The following NAA11 variants were observed in gnomAD, a reference collection of about 807,000 sequenced individuals.
NAA11 encodes the protein N-alpha-acetyltransferase 11.
In NAA11, 15 loss-of-function variants were observed where a neutral mutation model predicts 16.1. The ratio of observed to expected loss-of-function variants is 0.93; its 90% CI spans 0.62 to 1.44. The LOEUF (loss-of-function observed/expected upper bound fraction) is 1.44. Ranked by LOEUF, NAA11 falls within the 40% of genes most tolerant of loss-of-function variation. The probability of loss-of-function intolerance (pLI) is 0.00; values close to 1 mark genes in which losing one functional copy is unlikely to be tolerated. For missense variants in NAA11, 298 were observed against 291.3 expected, an observed-to-expected ratio of 1.02 and a Z score of -0.17; for synonymous variants, 122 against 112.4, an observed-to-expected ratio of 1.09 and a Z score of -0.54.
chr4:79,260,379 A>C (rs1458303735), intron 2 of NAA11, among the ~76,000 whole-genome samples: 1 of 152,246 alleles, frequency 6.6e-6, no homozygotes, highest in Non-Finnish European at 1.5e-5. Context: ...CACAGCTGCC[A>C]TCTTTCCATA....
At chr4:79,200,266 A>C in the NAA11 span, among the ~76,000 whole-genome samples, 1 of 151,634 alleles carries the variant, frequency 6.6e-6, no homozygotes, top group Non-Finnish European at 1.5e-5. Context: ...TACCTAAAAA[A>C]CTCAGAAGAA....
chr4:79,321,916 C>T (rs1724100158), intron 1 of NAA11, among the ~76,000 whole-genome samples: 1 of 152,038 alleles, frequency 6.6e-6, no homozygotes, highest in African/African-American at 2.4e-5. Context: ...TTCTGCTTCA[C>T]CAGATTGCCA....
chr4:79,304,731 A>G lies in NAA11; in HGVS notation c.*13-10617T>C, dbSNP rs542266094. Among the ~76,000 whole-genome samples, 9 of 152,204 alleles carry G rather than the reference A, an allele frequency of 5.9e-5. 1 individual carries two copies. In the South Asian group the frequency reaches 1.9e-3, roughly 32 times the overall value. ...ACTACCTAGAAATTATGCATATGAGAGTATTAAACCCAATGAAACACTTGA... is the reference window on the plus strand; with the variant it reads ...ACTACCTAGAAATTATGCATATGAGGGTATTAAACCCAATGAAACACTTGA... On this transcript the variant is annotated intron_variant and NMD_transcript_variant, in intron 1 of 2. Transcript: ENST00000511542.
intron 1 of NAA11, among the ~76,000 whole-genome samples, chr4:79,319,366 ACTT>A (rs1473747496): frequency 3.3e-5 from 5 of 152,294 alleles, no homozygotes; most frequent in African/African-American, 4.8e-5. Context: ...CTATGGCTTT[ACTT>A]TAAAAAAAAA....
intron 2 of NAA11, among the ~76,000 whole-genome samples, chr4:79,253,153 G>A (rs918882269): frequency 5.3e-5 from 8 of 152,136 alleles, no homozygotes; most frequent in Non-Finnish European, 1.0e-4. Context: ...TAAGGTTTTC[G>A]ACATTTGCGT....
At chr4:79,277,687 C>T (rs902113308) in intron 2 of NAA11, among the ~76,000 whole-genome samples, 2 of 152,030 alleles carry the variant, frequency 1.3e-5, no homozygotes, top group Non-Finnish European at 2.9e-5. Context: ...TTACCTGCTA[C>T]CTGCTCTGCC....
intron 2 of NAA11, among the ~76,000 whole-genome samples, chr4:79,279,008 A>C (rs1560444381): frequency 6.6e-6 from 1 of 152,042 alleles, no homozygotes; most frequent in Non-Finnish European, 1.5e-5. Context: ...CCCTTGTTAG[A>C]GTAGCATTAA....
chr4:79,282,597 C>G (rs925023006), intron 2 of NAA11, among the ~76,000 whole-genome samples: 1 of 151,716 alleles, frequency 6.6e-6, no homozygotes, highest in African/African-American at 2.4e-5. Flanking sequence ...CTAGAGCAAA[C>G]AGATAGATTG....
chr4:79,202,231 T>G, the NAA11 span, among the ~76,000 whole-genome samples: 1 of 151,578 alleles, frequency 6.6e-6, no homozygotes. Flanking sequence ...AAAGAAAATG[T>G]GGAATGTATG....
At chr4:79,181,325 T>G in the NAA11 span, among the ~76,000 whole-genome samples, 1 of 152,050 alleles carries the variant, frequency 6.6e-6, no homozygotes, top group Non-Finnish European at 1.5e-5. Flanking sequence ...GGAGGTGCGT[T>G]CTTGCTCACA....
At chr4:79,303,122 A>ATATATATATATATAT (rs1723460814) in intron 1 of NAA11, among the ~76,000 whole-genome samples, 2 of 113,528 alleles carry the variant, frequency 1.8e-5, no homozygotes, top group Non-Finnish European at 3.7e-5. Flanking sequence ...ATATATATAT[A>ATATATATATATATAT]CCTCCCAACA....
At chr4:79,316,593 T>G (rs867738717), downstream of NAA11, 1 of 152,242 alleles carries the variant, frequency 6.6e-6, no homozygotes, top group Non-Finnish European at 1.5e-5. Flanking sequence ...AAATGTTATA[T>G]ACTTTGGTAA....
chr4:79,319,423 T>C (rs1724027105), intron 1 of NAA11, among the ~76,000 whole-genome samples: 1 of 152,212 alleles, frequency 6.6e-6, no homozygotes, highest in Non-Finnish European at 1.5e-5. Flanking sequence ...AATGGCATTG[T>C]AGAATATTTT....
At chr4:79,161,902 C>T in the NAA11 span, among the ~76,000 whole-genome samples, 7 of 152,060 alleles carry the variant, frequency 4.6e-5, no homozygotes, top group African/African-American at 7.2e-5. Flanking sequence ...AGGCTGGTCT[C>T]GAACTCCTGA....
rs957202463 is a variant in NAA11, at chr4:79,277,725, T to C, written c.*122+16280A>G. On this transcript the variant is annotated intron_variant and NMD_transcript_variant, in intron 2 of 2. Coordinates refer to the NAA11 transcript ENST00000511542. ...GACTCCCGCCAAAGCACTCACCCCG[T>C]CATTCTCTTTAAATTAGCCAATCGG... Among the ~76,000 whole-genome samples the C allele has an allele frequency of 9.2e-5, 14 of 151,978 alleles. No individual in the cohort carries two copies. The South Asian group carries it at 2.9e-3, about 32-fold the overall frequency.
At chr4:79,230,778 C>G (rs1009427467) in intron 2 of NAA11, among the ~76,000 whole-genome samples, 1 of 151,764 alleles carries the variant, frequency 6.6e-6, no homozygotes, top group African/African-American at 2.4e-5. Flanking sequence ...CCATGTGAGA[C>G]GATACTCTTA....
chr4:79,243,076 C>T (rs1481130224), intron 2 of NAA11, among the ~76,000 whole-genome samples: 1 of 152,150 alleles, frequency 6.6e-6, no homozygotes, highest in East Asian at 1.9e-4. Flanking sequence ...GGAGTTGGGT[C>T]AAGTTTGAAA....
the NAA11 span, among the ~76,000 whole-genome samples, chr4:79,158,950 G>T: frequency 7.9e-5 from 12 of 152,006 alleles, no homozygotes; most frequent in East Asian, 2.3e-3. Context: ...GATGGACAAA[G>T]GACTTAAATA....
chr4:79,261,501 A>G (rs1467530021), intron 2 of NAA11, among the ~76,000 whole-genome samples: 1 of 152,198 alleles, frequency 6.6e-6, no homozygotes, highest in Non-Finnish European at 1.5e-5. Flanking sequence ...AATTTTTAAT[A>G]CTGATTTGGG....
Sources: gnomAD v4.1 joint callset for allele counts (sites outside exome capture counted in the v4.1 genomes callset) on GRCh38, gnomAD v4.1.1 for gene constraint, MANE v1.5 for transcripts, NCBI Gene and HGNC (gene_info 2026-07-23, HGNC 2026-07-21) for gene names.